Variants in ELF1 observed in about 807,000 individuals in gnomAD.
ELF1 encodes the protein E74 like ETS transcription factor 1, also known as ETS-related transcription factor Elf-1.
ELF1 carries 24 observed loss-of-function variants against 59.9 expected under a neutral mutation model. The observed-to-expected ratio is 0.40, with a 90% confidence interval of 0.29 to 0.56. The LOEUF (loss-of-function observed/expected upper bound fraction) is 0.56. Ranked by LOEUF, ELF1 falls within the 20% of genes least tolerant of loss-of-function variation. ELF1 has a pLI of 0.44. For missense variants in ELF1, 627 were observed against 742.2 expected, an observed-to-expected ratio of 0.84 and a Z score of 1.80; for synonymous variants, 248 against 266.2, an observed-to-expected ratio of 0.93 and a Z score of 0.67.
intron 1 of ELF1, among the ~76,000 whole-genome samples, chr13:41,044,462 G>A (rs903546201): frequency 3.9e-5 from 6 of 152,148 alleles, no homozygotes; most frequent in African/African-American, 7.2e-5. Flanking sequence ...TTTGAGATAC[G>A]TCCCATCAAT....
chr13:41,043,079 T>C (rs771668042), intron 1 of ELF1, among the ~76,000 whole-genome samples: 1 of 152,232 alleles, frequency 6.6e-6, no homozygotes, highest in Non-Finnish European at 1.5e-5. Context: ...TTTTCATGTA[T>C]CTGTTGGCTG....
At chr13:40,990,948 A>G (rs891643050) in intron 1 of ELF1, among the ~76,000 whole-genome samples, 10 of 152,172 alleles carry the variant, frequency 6.6e-5, no homozygotes, top group African/African-American at 2.4e-4. Context: ...AGCTAAGAGA[A>G]GCCTAAAGTT....
chr13:40,985,347 G>A (rs924964752), intron 1 of ELF1, among the ~76,000 whole-genome samples: 12 of 152,122 alleles, frequency 7.9e-5, no homozygotes, highest in Admixed American at 2.0e-4. Context: ...TAACAGACAA[G>A]ACTGAAGATC....
intron 1 of ELF1, among the ~76,000 whole-genome samples, chr13:41,027,439 G>A (rs993111866): frequency 4.6e-5 from 7 of 152,270 alleles, no homozygotes; most frequent in East Asian, 3.9e-4. Flanking sequence ...GGTTATTCAC[G>A]GGCTTAGCAA....
At position 40,958,848 on chromosome 13, in the gene ELF1, T is replaced by C. The variant is rs774733361; in HGVS notation, c.241A>G (p.Ile81Val). ...EEIIDDDDDD[I>V]TLTVEASCHD... ...GAGACACACGCACCTGTAAGGGTGA[T>C]GTCATCATCATCATCGTCTATGATT... The change falls in exon 3 of 9, where the codon ATC becomes GTC. Residue 81 changes from isoleucine (I) to valine (V), a missense_variant. Ile to Val is a conservative substitution (Grantham distance 29). Coordinates refer to ENST00000239882, the MANE Select transcript of ELF1 (RefSeq NM_172373.4). The C allele has an allele frequency of 8.7e-6, 14 of 1,611,418 alleles. No individual in the cohort carries two copies. Among genetic ancestry groups the C allele is most frequent in the Non-Finnish European group, 1.2e-5 (14 of 1,178,416 alleles).
chr13:40,951,042 T>C (rs1318643132), intron 4 of ELF1, among the ~76,000 whole-genome samples: 3 of 152,170 alleles, frequency 2.0e-5, no homozygotes, highest in Non-Finnish European at 4.4e-5. Flanking sequence ...GGGCCCTTGA[T>C]ACCCTAATAC....
upstream of ELF1, among the ~76,000 whole-genome samples, chr13:41,020,362 T>C (rs541010935): frequency 7.2e-5 from 11 of 152,342 alleles, no homozygotes; most frequent in Admixed American, 2.0e-4. Context: ...TGCAACTCAA[T>C]AGATAGCCTT....
chr13:40,937,942 G>C (rs756893736), intron 8 of ELF1, among the ~76,000 whole-genome samples: 15 of 152,084 alleles, frequency 9.9e-5, no homozygotes, highest in Admixed American at 2.0e-4. Flanking sequence ...TCAGCCTCCT[G>C]AGTAGCTAGG....
chr13:41,014,358 G>A (rs1401555167), intron 1 of ELF1, among the ~76,000 whole-genome samples: 1 of 152,122 alleles, frequency 6.6e-6, no homozygotes, highest in Non-Finnish European at 1.5e-5. Context: ...ACCTGGAAGA[G>A]AAGGAATCAA....
chr13:41,057,307 G>C (rs1309273053), intron 1 of ELF1, among the ~76,000 whole-genome samples: 1 of 151,304 alleles, frequency 6.6e-6, no homozygotes, highest in Non-Finnish European at 1.5e-5. Flanking sequence ...CAGGCATGTG[G>C]CATCACACCT....
chr13:41,016,076 T>A (rs1875341953), intron 1 of ELF1, among the ~76,000 whole-genome samples: 1 of 152,212 alleles, frequency 6.6e-6, no homozygotes, highest in African/African-American at 2.4e-5. Context: ...CAGTCATCTT[T>A]TATCTCTAGG....
At chr13:41,011,908 T>C (rs554247763) in intron 1 of ELF1, among the ~76,000 whole-genome samples, 1 of 152,148 alleles carries the variant, frequency 6.6e-6, no homozygotes, top group Non-Finnish European at 1.5e-5. Flanking sequence ...GCAAAGTTTA[T>C]TGCCACATTC....
At chr13:41,012,103 T>G (rs562366073) in intron 1 of ELF1, among the ~76,000 whole-genome samples, 1 of 151,996 alleles carries the variant, frequency 6.6e-6, no homozygotes, top group Admixed American at 6.6e-5. Flanking sequence ...GGTCAGGAAT[T>G]CAAGACCAGC....
At chr13:40,973,148 ATCACCTT>A (rs1483696389) in intron 2 of ELF1, among the ~76,000 whole-genome samples, 1 of 152,168 alleles carries the variant, frequency 6.6e-6, no homozygotes, top group Non-Finnish European at 1.5e-5. Context: ...CACCTAAAAG[ATCACCTT>A]TTAGGAGGGA....
intron 2 of ELF1, among the ~76,000 whole-genome samples, chr13:40,978,401 A>G (rs115640266): frequency 0.011 from 1,746 of 152,034 alleles, 37 homozygotes; most frequent in African/African-American, 0.039. Context: ...AAAAGAAAAG[A>G]AAATGTAAAG....
chr13:41,060,926 C>CGCCGCCGCCGCCGCCGCCGCG (rs1555283689), exon 1 of ELF1: 1 of 358,580 alleles, frequency 2.8e-6, no homozygotes, highest in East Asian at 6.8e-5. Flanking sequence ...CCGCCGCCGC[C>CGCCGCCGCCGCCGCCGCCGCG]GCCGCCGCCG....
chr13:41,006,871 C>T (rs753235434), intron 1 of ELF1, among the ~76,000 whole-genome samples: 8 of 152,056 alleles, frequency 5.3e-5, no homozygotes, highest in Non-Finnish European at 1.2e-4. Context: ...TACATACGTA[C>T]ATTTTGTATA....
At chr13:40,958,363 A>T (rs1057334859) in intron 3 of ELF1, among the ~76,000 whole-genome samples, 2 of 152,104 alleles carry the variant, frequency 1.3e-5, no homozygotes, top group Admixed American at 1.3e-4. Context: ...AAAACAACTC[A>T]TTTTGTTCAC....
upstream of ELF1, among the ~76,000 whole-genome samples, chr13:41,022,236 A>G (rs1757430789): frequency 6.6e-6 from 1 of 152,234 alleles, no homozygotes; most frequent in East Asian, 1.9e-4. Context: ...CAGCAACAAA[A>G]AAGGTCTGAA....
Sources: gnomAD v4.1 joint callset for allele counts (sites outside exome capture counted in the v4.1 genomes callset) on GRCh38, gnomAD v4.1.1 for gene constraint, MANE v1.5 for transcripts, NCBI Gene and HGNC (gene_info 2026-07-23, HGNC 2026-07-21) for gene names.